FAM98A: variants seen among roughly 807,000 people sequenced by gnomAD.
FAM98A encodes protein FAM98A.
Under a neutral mutation model 62.9 loss-of-function variants are expected in FAM98A, and 25 were observed. The ratio of observed to expected loss-of-function variants is 0.40; its 90% confidence interval spans 0.29 to 0.56. The LOEUF (loss-of-function observed/expected upper bound fraction) is 0.56. Ranked by LOEUF, FAM98A falls within the 20% of genes least tolerant of loss-of-function variation. The pLI, the probability that FAM98A is intolerant of heterozygous loss-of-function variation, is 0.51. For synonymous variants in FAM98A, 252 were observed against 228.6 expected, an observed-to-expected ratio of 1.10 and a Z score of -0.92; for missense variants, 653 against 640.7, an observed-to-expected ratio of 1.02 and a Z score of -0.21.
rs1329528409 is a variant in FAM98A, at chr2:33,596,342, T to C, written c.54-705A>G. Among the ~76,000 whole-genome samples, 3 of 152,186 alleles carry C rather than the reference T, an allele frequency of 2.0e-5. 1 individual carries two copies. The highest frequency in any genetic ancestry group is 3.8e-4 in the East Asian group (2 of 5,202). On this transcript the variant is annotated intron_variant, in intron 1 of 7. Coordinates refer to ENST00000238823, the MANE Select transcript of FAM98A (RefSeq NM_015475.5). Reference sequence around the variant, plus strand: ...AAACGTCAGGTTAGGTTAATAAATATTGGCAGTTAATGAACTGGCGCATCT... The same window carrying C: ...AAACGTCAGGTTAGGTTAATAAATACTGGCAGTTAATGAACTGGCGCATCT...
Position 33,585,070 on chromosome 2 carries a change from T to A in FAM98A, c.1263A>T (p.Gly421=). The change falls in exon 8 of 8, where the codon GGA becomes GGT. Residue 421 remains glycine, a synonymous_variant. Coordinates refer to ENST00000238823, the MANE Select transcript of FAM98A (RefSeq NM_015475.5). ...GGHSSGGYQG[G]GYGGFQTSSS... ...AAGATGTTTGGAAGCCACCATAACCTCCGCCTTGATAGCCACCACTGCTGT... is the reference window on the plus strand; with the variant it reads ...AAGATGTTTGGAAGCCACCATAACCACCGCCTTGATAGCCACCACTGCTGT... 1 of 1,614,096 alleles carries A rather than the reference T, an allele frequency of 6.2e-7. No individual in the cohort carries two copies. Among genetic ancestry groups the A allele is most frequent in the Non-Finnish European group, 8.5e-7 (1 of 1,180,008 alleles).
intron 1 of FAM98A, 152 bp downstream of exon 1, chr2:33,599,017 T>C: frequency 1.4e-6 from 1 of 727,616 alleles, no homozygotes; most frequent in Admixed American, 1.8e-5. Context: ...ACAGTGGACG[T>C]GGCATTGGGG....
At chr2:33,592,256 T>C in intron 2 of FAM98A, 42 bp from the exon 3 acceptor site, 1 of 1,462,884 alleles carries the variant, frequency 6.8e-7, no homozygotes, top group Non-Finnish European at 9.4e-7. Context: ...ATAGTGATTA[T>C]TTTTCCATTA....
In FAM98A at chr2:33,584,916, G is replaced by A. The variant is rs1226929984; in HGVS notation, c.1417C>T (p.Arg473Cys). ...CCCCAGCCTCCTCCCTGGCCTGCAC[G>A]ACCACCTCGGCCTCCACGACCACCT... ...GRGGRGGRGG[R>C]AGQGGGWGGR... The change falls in exon 8 of 8, where the codon CGT (arginine) becomes TGT (cysteine). Residue 473 changes from arginine to cysteine, a missense_variant. Coordinates refer to ENST00000238823, the MANE Select transcript of FAM98A (RefSeq NM_015475.5). 26 of 1,613,398 alleles carry A rather than the reference G, an allele frequency of 1.6e-5. No homozygotes were observed. Among genetic ancestry groups the A allele is most frequent in the Non-Finnish European group, 1.9e-5 (23 of 1,179,820 alleles).
intron 3 of FAM98A, chr2:33,588,894 CAATT>C (rs1308373975): frequency 7.8e-6 from 1 of 127,492 alleles, no homozygotes; most frequent in Non-Finnish European, 1.8e-5. Flanking sequence ...TTTTTAATGA[CAATT>C]AATTTTTTTT....
intron 3 of FAM98A, among the ~76,000 whole-genome samples, chr2:33,591,740 T>TAAGC (rs1248524374): frequency 2.6e-5 from 4 of 152,192 alleles, no homozygotes; most frequent in African/African-American, 9.7e-5. Flanking sequence ...ATCTTCCTAA[T>TAAGC]ATACTTAAAA....
At chr2:33,586,532 G>C (rs1390187212) in intron 6 of FAM98A, 30 bp downstream of exon 6, 1 of 1,374,434 alleles carries the variant, frequency 7.3e-7, no homozygotes, top group Admixed American at 1.7e-5. Context: ...TCTATAAATA[G>C]TCTGCTCTTT....
chr2:33,588,519 G>T lies in FAM98A; in HGVS notation c.338C>A (p.Thr113Lys). 6.2e-7 allele frequency: 1 copy of T among 1,611,588 alleles called. No individual in the cohort carries two copies. Among genetic ancestry groups the T allele is most frequent in the South Asian group, 1.1e-5 (1 of 90,780 alleles). The change falls in exon 4 of 8, where the codon ACA becomes AAA. Residue 113 changes from threonine (T) to lysine (K), a missense_variant and splice_region_variant. By Grantham distance (78) the Thr-to-Lys change is moderately conservative (BLOSUM62 -1). Transcript: ENST00000238823. ...AGCTTCTAGTTCTGAGATGAGGTAT[G>T]CTGAAGTAAACAAAATAAGATTTCA... Reference protein sequence around the residue: ...LIQKNCLLLLTYLISELEAAR... With the variant: ...LIQKNCLLLLKYLISELEAAR...
chr2:33,585,559 T>C lies in FAM98A; in HGVS notation c.859A>G (p.Arg287Gly). The stretch of plus-strand genomic sequence containing the variant: ...TTGATGGCACAGGCAGTCTTTTCTC[T>C]TATAGAGCCGCTGCTTGTCCTTAAA... Reference protein sequence around the residue: ...KILRTSSGSIREKTACAINKV... With the variant: ...KILRTSSGSIGEKTACAINKV... The change falls in exon 7 of 8, where the codon AGA becomes GGA. Residue 287 changes from arginine (R) to glycine (G), a missense_variant. Coordinates refer to ENST00000238823, the MANE Select transcript of FAM98A (RefSeq NM_015475.5). 6.2e-7 allele frequency: 1 copy of C among 1,614,200 alleles called. No individual in the cohort carries two copies. The highest frequency in any genetic ancestry group is 1.1e-5 in the South Asian group (1 of 91,074).
At chr2:33,595,096 C>A (rs1677778309) in intron 2 of FAM98A, among the ~76,000 whole-genome samples, 2 of 152,198 alleles carry the variant, frequency 1.3e-5, no homozygotes, top group South Asian at 4.1e-4. Flanking sequence ...AATGCATTTA[C>A]TCTACATGCT....
rs1440565729 is a variant in FAM98A, at chr2:33,592,121, G to A, written c.296C>T (p.Thr99Ile). Reference protein sequence around the residue: ...PYLSLTSGDVTKRLLIQKNCL... With the variant: ...PYLSLTSGDVIKRLLIQKNCL... ...GTTCTTCTGAATGAGAAGGCGCTTG[G>A]TCACATCCCCAGATGTCAGTGAAAG... Residue 99 changes from threonine to isoleucine, a missense_variant, in exon 3 of 8, where the codon ACC (threonine) becomes ATC (isoleucine). Coordinates refer to ENST00000238823, the MANE Select transcript of FAM98A (RefSeq NM_015475.5). 1.2e-6 allele frequency: 2 copies of A among 1,613,406 alleles called. No homozygotes were observed. The highest frequency in any genetic ancestry group is 1.7e-6 in the Non-Finnish European group (2 of 1,179,556).
rs565490911 is a variant in FAM98A at position 33,589,214 on chromosome 2, A to G, written c.338-695T>C. On this transcript the variant is annotated intron_variant, in intron 3 of 7. Transcript: ENST00000238823. ...TAAAACCTTCAAAGCACTTTTTGGC[A>G]TGGTTCCCTTTGTGTCAGTATCATC... 2 of 152,272 alleles carry G rather than the reference A, an allele frequency of 1.3e-5. 1 individual carries two copies. The highest frequency in any genetic ancestry group is 4.1e-4 in the South Asian group (2 of 4,826). The allele number at this position is 152,272 out of a possible 1,614,324, so 9.4% of individuals were successfully genotyped here.
At position 33,585,539 on chromosome 2, in the gene FAM98A, G is replaced by A; in HGVS notation, c.879C>T (p.Ala293=). Residue 293 remains alanine, a synonymous_variant, in exon 7 of 8, where the codon GCC becomes GCT. Transcript: ENST00000238823. The part of the protein sequence containing the change: ...SGSIREKTAC[A]INKVLMGRVP... Reference sequence around the variant, plus strand: ...AAGGTACTCTAATCACCTTATTGATGGCACAGGCAGTCTTTTCTCTTATAG... The same window carrying A: ...AAGGTACTCTAATCACCTTATTGATAGCACAGGCAGTCTTTTCTCTTATAG... 1 of 1,614,154 alleles carries A rather than the reference G, an allele frequency of 6.2e-7. No individual in the cohort carries two copies. The highest frequency in any genetic ancestry group is 8.5e-7 in the Non-Finnish European group (1 of 1,180,036).
chr2:33,588,733 G>T, intron 3 of FAM98A: 1 of 337,340 alleles, frequency 3.0e-6, no homozygotes, highest in Non-Finnish European at 5.3e-6. Flanking sequence ...ATGTTTAAAT[G>T]TTAATTTTAA....
chr2:33,591,235 A>G (rs1201186014), intron 3 of FAM98A, among the ~76,000 whole-genome samples: 2 of 151,722 alleles, frequency 1.3e-5, no homozygotes, highest in Non-Finnish European at 1.5e-5. Flanking sequence ...CTGAAGTTGT[A>G]TAATTTTTTC....
intron 3 of FAM98A, chr2:33,589,020 C>T (rs1199999138): frequency 6.6e-6 from 1 of 152,178 alleles, no homozygotes; most frequent in Non-Finnish European, 1.5e-5. Flanking sequence ...TATAAGAAGT[C>T]AAAGCTTAAC....
intron 5 of FAM98A, 55 bp from the exon 6 acceptor site, chr2:33,586,733 C>G: frequency 8.7e-7 from 1 of 1,154,426 alleles, no homozygotes; most frequent in Non-Finnish European, 1.3e-6. Context: ...ATTCTCTGTC[C>G]CAAAAGGGCA....
chr2:33,593,144 C>T (rs1280237091), intron 2 of FAM98A, among the ~76,000 whole-genome samples: 1 of 152,166 alleles, frequency 6.6e-6, no homozygotes, highest in Non-Finnish European at 1.5e-5. Flanking sequence ...TGGCTCATGC[C>T]TGTAATTCCA....
intron 1 of FAM98A, among the ~76,000 whole-genome samples, chr2:33,598,381 A>C (rs970066968): frequency 6.6e-6 from 1 of 152,230 alleles, no homozygotes; most frequent in African/African-American, 2.4e-5. Flanking sequence ...CCACGTTCTC[A>C]AGTTTAATAG....
Sources: gnomAD v4.1 joint callset for allele counts (sites outside exome capture counted in the v4.1 genomes callset) on GRCh38, gnomAD v4.1.1 for gene constraint, MANE v1.5 for transcripts, NCBI Gene and HGNC (gene_info 2026-07-23, HGNC 2026-07-21) for gene names.